The following CHTF18 variants were observed in gnomAD, a reference collection of about 807,000 sequenced individuals.
CHTF18 encodes chromosome transmission fidelity protein 18 homolog.
Under a neutral mutation model 113.4 loss-of-function variants are expected in CHTF18, and 151 were observed. The observed-to-expected ratio is 1.33, with a 90% confidence interval of 1.17 to 1.52. The LOEUF (loss-of-function observed/expected upper bound fraction) is 1.52. Among genes scored for constraint, CHTF18 ranks in the 40% most tolerant of loss-of-function variants. The pLI is 0.00. For missense variants in CHTF18, 1,982 were observed against 1,381.6 expected (o/e 1.43, Z -6.89); for synonymous variants, 916 against 598.8 (o/e 1.53, Z -7.74).
In CHTF18 at chr16:791,755, C is replaced by T. The variant is rs945694058; in HGVS notation, c.1105-96C>T. The T allele has an allele frequency of 7.5e-5, 111 of 1,488,160 alleles. No individual in the cohort carries two copies. The African/African-American group carries it at 1.5e-3, about 20-fold the overall frequency. 92.2% of individuals were successfully genotyped at this position (1,488,160 alleles called of 1,614,324 possible). On this transcript the variant is annotated intron_variant, in intron 8 of 21. Coordinates refer to ENST00000262315, the MANE Select transcript of CHTF18 (RefSeq NM_022092.3). ...GGCTGGAGTGGGGTGGAGGGAGCGCCCAGCCTGTGGGACACATGTGGCAGT... is the reference window on the plus strand; with the variant it reads ...GGCTGGAGTGGGGTGGAGGGAGCGCTCAGCCTGTGGGACACATGTGGCAGT...
intron 11 of CHTF18, 24 bp from the exon 12 acceptor site, chr16:792,694 C>A: frequency 6.4e-7 from 1 of 1,573,660 alleles, no homozygotes. Flanking sequence ...CCCTGGGGTC[C>A]CTGGCCCTGC....
In CHTF18 at chr16:790,183, C is replaced by CT; in HGVS notation, c.614dup (p.Leu206ProfsTer62). 1 of 1,597,118 alleles carries CT rather than the reference C, an allele frequency of 6.3e-7. No individual in the cohort carries two copies. The highest frequency in any genetic ancestry group is 8.5e-7 in the Non-Finnish European group (1 of 1,172,836). ...TGTCCTCCCTTCCCCACAGGGCTCT[C>CT]TCCTCCACGTCCCATGGCGAGGCGG... On this transcript the variant is annotated frameshift_variant, in exon 5 of 22. Transcript: ENST00000262315. LOFTEE classifies it high-confidence loss of function.
At position 797,976 on chromosome 16, in the gene CHTF18, T is replaced by G. The variant is rs754417834; in HGVS notation, c.*1T>G. ...CCTGTACATCAGGGACTTGCTCTAG[T>G]TCTCTGAGCCGCGGACATGCCCTCG... On this transcript the variant is annotated 3_prime_UTR_variant, in exon 22 of 22. Coordinates refer to ENST00000262315, the MANE Select transcript of CHTF18 (RefSeq NM_022092.3). 2.2e-5 allele frequency: 35 copies of G among 1,609,418 alleles called. 1 individual carries two copies. Among genetic ancestry groups the G allele is most frequent in the South Asian group, 1.1e-4 (10 of 90,916 alleles).
Position 790,253 on chromosome 16 carries a change from AGCAGGTCGACG to A in CHTF18, c.686_696del (p.Gln229ArgfsTer35). Reference sequence around the variant, plus strand: ...GGTGTGTCCTTAGCCTCCCTGAAGAAGCAGGTCGACGGCGAGGTAGGGGCTGCGGGTTTGCT... The same window carrying A: ...GGTGTGTCCTTAGCCTCCCTGAAGAAGCGAGGTAGGGGCTGCGGGTTTGCT... On this transcript the variant is annotated frameshift_variant, in exon 5 of 22. Coordinates refer to ENST00000262315, the MANE Select transcript of CHTF18 (RefSeq NM_022092.3). LOFTEE classifies it high-confidence loss of function. 1 of 1,607,190 alleles carries A rather than the reference AGCAGGTCGACG, an allele frequency of 6.2e-7. No homozygotes were observed. Among genetic ancestry groups the A allele is most frequent in the Non-Finnish European group, 8.5e-7 (1 of 1,177,754 alleles).
In CHTF18 at chr16:789,586, C is replaced by T. The variant is rs375857310; in HGVS notation, c.477C>T (p.Ala159=). 1 of 1,606,850 alleles carries T rather than the reference C, an allele frequency of 6.2e-7. No homozygotes were observed. The highest frequency in any genetic ancestry group is 1.7e-5 in the Admixed American group (1 of 59,432). The stretch of plus-strand genomic sequence containing the variant: ...CTGCCGACGTGGGTCTCACACGGGC[C>T]TCACCAGCTGCCCGCAATCCCGTCC... The part of the protein sequence containing the change: ...EAAADVGLTR[A]SPAARNPVLR... The change falls in exon 4 of 22, where the codon GCC becomes GCT. Residue 159 remains alanine, a synonymous_variant. Transcript: ENST00000262315.
At position 791,849 on chromosome 16, in the gene CHTF18, A is replaced by T; in HGVS notation, c.1105-2A>T. On this transcript the variant is annotated splice_acceptor_variant, in intron 8 of 21. Transcript: ENST00000262315. LOFTEE classifies it high-confidence loss of function. ...CTACGCCTTCATCTACCTGGGCTGC[A>T]GGTGGCACTGCTCTGTGGGCCCCCG... 6.2e-7 allele frequency: 1 copy of T among 1,602,164 alleles called. No homozygotes were observed. Among genetic ancestry groups the T allele is most frequent in the East Asian group, 2.3e-5 (1 of 44,400 alleles).
chr16:790,404 C>G lies in CHTF18; in HGVS notation c.752+5C>G. 13 of 1,612,412 alleles carry G rather than the reference C, an allele frequency of 8.1e-6. No homozygotes were observed. Among genetic ancestry groups the G allele is most frequent in the Non-Finnish European group, 1.1e-5 (13 of 1,179,772 alleles). On this transcript the variant is annotated splice_donor_5th_base_variant and intron_variant, in intron 6 of 21. Transcript: ENST00000262315. ...GCTTTCAGACACCCTGCACAGGTGA[C>G]TTGGTTGGCCCTTCCGCCCTGGGGA...
Position 792,568 on chromosome 16 carries a change from A to G in CHTF18, c.1456A>G (p.Ile486Val), listed in dbSNP as rs754627271. The G allele has an allele frequency of 7.5e-6, 12 of 1,596,176 alleles. No individual in the cohort carries two copies. Among genetic ancestry groups the G allele is most frequent in the African/African-American group, 5.4e-5 (4 of 73,874 alleles). Reference protein sequence around the residue: ...RAEGGLLMRPIICICNDQFAP... With the variant: ...RAEGGLLMRPVICICNDQFAP... ...AGAGGGGGGGCTCCTCATGAGGCCCATTATCTGCATTTGCAATGACCAGTG... is the reference window on the plus strand; with the variant it reads ...AGAGGGGGGGCTCCTCATGAGGCCCGTTATCTGCATTTGCAATGACCAGTG... Residue 486 changes from isoleucine (I) to valine (V), a missense_variant, in exon 11 of 22, where the codon ATT becomes GTT. Ile to Val is a conservative substitution (Grantham distance 29). Coordinates refer to ENST00000262315, the MANE Select transcript of CHTF18 (RefSeq NM_022092.3).
In CHTF18 at chr16:791,270, G is replaced by A; in HGVS notation, c.1004G>A (p.Ser335Asn). ...CCCAGTGTTGAGCCGGCCCGGGTCAGCAAGGAGGCCACAGCCCCAGGCAAG... is the reference window on the plus strand; with the variant it reads ...CCCAGTGTTGAGCCGGCCCGGGTCAACAAGGAGGCCACAGCCCCAGGCAAG... ...PRPSVEPARV[S>N]KEATAPGKWK... Residue 335 changes from serine (S) to asparagine (N), a missense_variant, in exon 8 of 22, where the codon AGC (serine) becomes AAC (asparagine). Physicochemically the swap from Ser to Asn is conservative, Grantham distance 46. Transcript: ENST00000262315. 2 of 1,610,716 alleles carry A rather than the reference G, an allele frequency of 1.2e-6. No homozygotes were observed. The highest frequency in any genetic ancestry group is 8.5e-7 in the Non-Finnish European group (1 of 1,179,408).
At chr16:794,946 C>T (rs1291314923) in intron 15 of CHTF18, 186 bp from the exon 16 acceptor site, 6 of 593,980 alleles carry the variant, frequency 1.0e-5, no homozygotes, top group Non-Finnish European at 1.8e-5. Context: ...GGCCCAGTGA[C>T]CCCTTGCTGG....
At chr16:789,982 A>G in intron 4 of CHTF18, 195 bp from the exon 5 acceptor site, 1 of 1,535,124 alleles carries the variant, frequency 6.5e-7, no homozygotes. Context: ...TTTCTCCTAA[A>G]GCTGCCCCCA....
chr16:793,959 C>T (rs1475894302), intron 14 of CHTF18, 95 bp from the exon 15 acceptor site: 4 of 1,393,808 alleles, frequency 2.9e-6, no homozygotes, highest in Non-Finnish European at 2.9e-6. Context: ...AAGTGGGTGG[C>T]AGCTCTGATG....
At position 796,014 on chromosome 16, in the gene CHTF18, C is replaced by G; in HGVS notation, c.2393C>G (p.Ala798Gly). ...QLASLVGTML[A>G]YSLTYRQERT... ...GCCAGCCTGGTGGGCACGATGCTCG[C>G]TTACAGCCTGACCTACCGCCAGGAG... Residue 798 changes from alanine to glycine, a missense_variant, in exon 18 of 22, where the codon GCT (alanine) becomes GGT (glycine). Ala to Gly is a moderately conservative substitution (Grantham distance 60). Transcript: ENST00000262315. 2 of 1,607,200 alleles carry G rather than the reference C, an allele frequency of 1.2e-6. No homozygotes were observed. The highest frequency in any genetic ancestry group is 1.7e-6 in the Non-Finnish European group (2 of 1,177,588).
In CHTF18 at chr16:790,683, A is replaced by T; in HGVS notation, c.894+17A>T. ...AGTGATGACGTGAGGTCTTGTTCTC[A>T]CTCAAGTGTGGCTGGCTTCCTCTGT... On this transcript the variant is annotated intron_variant, in intron 7 of 21. Transcript: ENST00000262315. 2.0e-6 allele frequency: 3 copies of T among 1,518,940 alleles called. No individual in the cohort carries two copies. In the East Asian group the frequency reaches 6.8e-5, roughly 35 times the overall value. 94.1% of individuals were successfully genotyped at this position (1,518,940 alleles called of 1,614,324 possible). A position where few individuals can be genotyped will look rare whatever the true frequency, so the allele number is the denominator to read the frequency against.
intron 16 of CHTF18, 114 bp from the exon 17 acceptor site, chr16:795,571 C>T (rs1596768520): frequency 1.4e-5 from 1 of 71,612 alleles, no homozygotes; most frequent in South Asian, 2.2e-4. Context: ...TGGCTGCCCC[C>T]GGCCCCGTGC....
intron 4 of CHTF18, 59 bp downstream of exon 4, chr16:789,774 C>T (rs895785028): frequency 4.7e-6 from 7 of 1,486,892 alleles, no homozygotes; most frequent in Admixed American, 2.2e-5. Flanking sequence ...GGAAAGGGTC[C>T]TTGGAGCCCC....
chr16:789,123 A>C lies in CHTF18; in HGVS notation c.284A>C (p.His95Pro). The change falls in exon 2 of 22, where the codon CAC (histidine) becomes CCC (proline). Residue 95 changes from histidine (H) to proline (P), a missense_variant and splice_region_variant. Physicochemically the swap from His to Pro is moderately conservative, Grantham distance 77. Transcript: ENST00000262315. ...ADLQPAGSLP[H>P]APRIKRPRLQ... ...CTGCAGCCGGCCGGGTCCCTGCCCC[A>C]CGGTAGGTTGGCGGCATTGCCCCAG... 1 of 1,542,040 alleles carries C rather than the reference A, an allele frequency of 6.5e-7. No homozygotes were observed. The highest frequency in any genetic ancestry group is 8.7e-7 in the Non-Finnish European group (1 of 1,143,046).
Position 790,217 on chromosome 16 carries a change from T to G in CHTF18, c.647T>G (p.Leu216Arg), listed in dbSNP as rs2042151948. 6.2e-7 allele frequency: 1 copy of G among 1,605,736 alleles called. No individual in the cohort carries two copies. Among genetic ancestry groups the G allele is most frequent in the Non-Finnish European group, 8.5e-7 (1 of 1,176,976 alleles). The stretch of plus-strand genomic sequence containing the variant: ...GTCCCATGGCGAGGCGGTGGCCAGC[T>G]GGACCTGCTGGGTGTGTCCTTAGCC... ...LHVPWRGGGQ[L>R]DLLGVSLASL... is the part of the protein sequence containing the mutation. The change falls in exon 5 of 22, where the codon CTG becomes CGG. Residue 216 changes from leucine (L) to arginine (R), a missense_variant. Transcript: ENST00000262315.
intron 6 of CHTF18, 24 bp downstream of exon 6, chr16:790,423 C>G: frequency 1.9e-6 from 3 of 1,612,188 alleles, no homozygotes; most frequent in Non-Finnish European, 2.5e-6. Context: ...CCCTTCCGCC[C>G]TGGGGACCCT....
Sources: allele counts gnomAD v4.1 joint callset, GRCh38; gene constraint gnomAD v4.1.1; transcripts MANE v1.5; gene names NCBI Gene and HGNC (gene_info 2026-07-23, HGNC 2026-07-21).